Variants in GLRA3 observed in about 807,000 individuals in gnomAD.
GLRA3 encodes the protein glycine receptor alpha 3.
Under a neutral mutation model 60.4 loss-of-function variants are expected in GLRA3, and 44 were observed. The observed-to-expected ratio is 0.73, with a 90% CI of 0.57 to 0.94. The LOEUF (loss-of-function observed/expected upper bound fraction) is 0.94. Among genes scored for constraint, GLRA3 ranks in the 40% least tolerant of loss-of-function variants. The probability of loss-of-function intolerance (pLI) is 0.00; values close to 1 mark genes in which losing one functional copy is unlikely to be tolerated. For missense variants in GLRA3, 508 were observed against 564.6 expected, an observed-to-expected ratio of 0.90 and a Z score of 1.02; for synonymous variants, 223 against 192.9, an observed-to-expected ratio of 1.16 and a Z score of -1.29.
At chr4:174,755,421 T>C (rs1372257382) in intron 3 of GLRA3, among the ~76,000 whole-genome samples, 1 of 151,916 alleles carries the variant, frequency 6.6e-6, no homozygotes, top group Non-Finnish European at 1.5e-5. Flanking sequence ...GTAAATTGGA[T>C]GAAATAATAG....
chr4:174,683,495 C>T (rs1252585166), intron 5 of GLRA3, among the ~76,000 whole-genome samples: 1 of 152,066 alleles, frequency 6.6e-6, no homozygotes, highest in Non-Finnish European at 1.5e-5. Context: ...GGACTACAGG[C>T]ACATGCCACC....
intron 1 of GLRA3, among the ~76,000 whole-genome samples, chr4:174,815,345 A>C (rs1158456591): frequency 6.6e-6 from 1 of 152,166 alleles, no homozygotes; most frequent in East Asian, 1.9e-4. Context: ...TGCTCAGAGC[A>C]AGCTGTCAGT....
chr4:174,783,554 T>G (rs1003808998), intron 2 of GLRA3, among the ~76,000 whole-genome samples: 4 of 139,272 alleles, frequency 2.9e-5, no homozygotes, highest in African/African-American at 1.1e-4. Flanking sequence ...GGGAGAAAAT[T>G]TTTGCAACCT....
intron 5 of GLRA3, among the ~76,000 whole-genome samples, chr4:174,694,804 C>T (rs761429091): frequency 1.3e-5 from 2 of 151,570 alleles, no homozygotes; most frequent in African/African-American, 4.8e-5. Context: ...TTTTTGAAAA[C>T]ATTAATAAAA....
chr4:174,678,374 T>G (rs964480303), intron 6 of GLRA3, among the ~76,000 whole-genome samples: 2 of 152,198 alleles, frequency 1.3e-5, no homozygotes, highest in Non-Finnish European at 2.9e-5. Flanking sequence ...ACCCAGTTCT[T>G]GGTTTAATTG....
At chr4:174,741,360 C>T (rs1052742834) in intron 3 of GLRA3, among the ~76,000 whole-genome samples, 1 of 152,072 alleles carries the variant, frequency 6.6e-6, no homozygotes, top group Non-Finnish European at 1.5e-5. Flanking sequence ...TGTTTTCTAC[C>T]TATTTGCAAT....
At chr4:174,823,078 A>T (rs1038204847) in intron 1 of GLRA3, among the ~76,000 whole-genome samples, 5 of 152,134 alleles carry the variant, frequency 3.3e-5, no homozygotes, top group African/African-American at 9.7e-5. Context: ...AGCTCATTCC[A>T]TATATACACT....
intron 2 of GLRA3, among the ~76,000 whole-genome samples, chr4:174,775,643 A>C (rs1738568830): frequency 6.6e-6 from 1 of 152,208 alleles, no homozygotes; most frequent in South Asian, 2.1e-4. Context: ...ATCAAAAGAA[A>C]GAAGTAAAAT....
Position 174,767,044 on chromosome 4 carries a change from G to T in GLRA3, c.200-14C>A, listed in dbSNP as rs2111237794. 1 of 1,460,254 alleles carries T rather than the reference G, an allele frequency of 6.8e-7. No individual in the cohort carries two copies. The highest frequency in any genetic ancestry group is 9.6e-7 in the Non-Finnish European group (1 of 1,042,650). 90.5% of individuals were successfully genotyped at this position (1,460,254 alleles called of 1,614,324 possible). On this transcript the variant is annotated splice_polypyrimidine_tract_variant and intron_variant, in intron 2 of 9. Coordinates refer to ENST00000274093, the MANE Select transcript of GLRA3 (RefSeq NM_006529.4). ...TAACTGGAGGGCCTGAAAAAGAGATGAAAACATAAGGGCTGTTTAGAGACT... is the reference window on the plus strand; with the variant it reads ...TAACTGGAGGGCCTGAAAAAGAGATTAAAACATAAGGGCTGTTTAGAGACT...
At chr4:174,772,633 AAC>A (rs1204059684) in intron 2 of GLRA3, among the ~76,000 whole-genome samples, 7 of 152,190 alleles carry the variant, frequency 4.6e-5, no homozygotes, top group East Asian at 3.9e-4. Flanking sequence ...TCAAATAAAA[AAC>A]AGTTTGGAAA....
At chr4:174,806,587 C>A (rs1014256855) in intron 1 of GLRA3, among the ~76,000 whole-genome samples, 4 of 151,980 alleles carry the variant, frequency 2.6e-5, no homozygotes, top group African/African-American at 9.7e-5. Context: ...ATTTCCTAAA[C>A]AATAGAGTAT....
At chr4:174,768,158 C>T (rs895798357) in intron 2 of GLRA3, among the ~76,000 whole-genome samples, 5 of 152,086 alleles carry the variant, frequency 3.3e-5, no homozygotes, top group African/African-American at 1.2e-4. Context: ...GAATTCCAAA[C>T]TTGGTCAGCC....
chr4:174,681,640 C>T (rs559067850), intron 6 of GLRA3, among the ~76,000 whole-genome samples: 2 of 152,258 alleles, frequency 1.3e-5, no homozygotes, highest in South Asian at 4.1e-4. Context: ...TGAGGGAAAG[C>T]ACGGCCCTGC....
intron 3 of GLRA3, among the ~76,000 whole-genome samples, chr4:174,732,223 C>T (rs186573640): frequency 6.4e-4 from 95 of 147,398 alleles, no homozygotes; most frequent in East Asian, 3.3e-3. Context: ...GGTGTGGTGG[C>T]GTGCGCCTGT....
intron 9 of GLRA3, 126 bp from the exon 10 acceptor site, chr4:174,644,190 A>T: frequency 1.5e-6 from 1 of 645,416 alleles, no homozygotes; most frequent in Non-Finnish European, 2.7e-6. Context: ...AGATAACCGA[A>T]GCATATAAAG....
At chr4:174,808,871 T>C (rs1579641814) in intron 1 of GLRA3, among the ~76,000 whole-genome samples, 1 of 152,088 alleles carries the variant, frequency 6.6e-6, no homozygotes. Flanking sequence ...AGCTGTAAAA[T>C]GTCCTTTAAG....
At chr4:174,788,301 T>C (rs1156618727) in intron 2 of GLRA3, among the ~76,000 whole-genome samples, 1 of 152,006 alleles carries the variant, frequency 6.6e-6, no homozygotes, top group Non-Finnish European at 1.5e-5. Context: ...TCCTAGAAAT[T>C]TGGGTAAAAC....
intron 2 of GLRA3, among the ~76,000 whole-genome samples, chr4:174,778,871 C>G (rs1738728985): frequency 2.0e-5 from 3 of 152,224 alleles, no homozygotes; most frequent in Admixed American, 1.3e-4. Context: ...GATCAAACTG[C>G]AAGGCGGCAG....
Position 174,639,043 on chromosome 4 carries a change from C to A in GLRA3, c.*4743G>T. The A allele has an allele frequency of 6.6e-6, 1 of 152,162 alleles. No homozygotes were observed. The highest frequency in any genetic ancestry group is 1.9e-4 in the East Asian group (1 of 5,194). The allele number at this position is 152,162 out of a possible 1,614,324, so 9.4% of individuals were successfully genotyped here. ...GAGAAAACCACCTGTTCAGACACTACAAAGTCATCCAATATTACTAGCTGT... is the reference window on the plus strand; with the variant it reads ...GAGAAAACCACCTGTTCAGACACTAAAAAGTCATCCAATATTACTAGCTGT... On this transcript the variant is annotated 3_prime_UTR_variant, in exon 10 of 10. Transcript: ENST00000274093.
Sources: gnomAD v4.1 joint callset for allele counts (sites outside exome capture counted in the v4.1 genomes callset) on GRCh38, gnomAD v4.1.1 for gene constraint, MANE v1.5 for transcripts, NCBI Gene and HGNC (gene_info 2026-07-23, HGNC 2026-07-21) for gene names.